Variants in PDLIM1 observed in about 807,000 individuals in gnomAD.
PDLIM1 encodes PDZ and LIM domain 1.
Under a neutral mutation model 35.2 loss-of-function variants are expected in PDLIM1, and 25 were observed. That is an observed-to-expected ratio of 0.71 (90% CI 0.52 to 0.99). The LOEUF (loss-of-function observed/expected upper bound fraction) is 0.99, where lower values mean the gene tolerates loss of function less well. PDLIM1 is among the 50% of genes least tolerant of loss of function. PDLIM1 has a pLI of 0.00. For missense variants in PDLIM1, 363 were observed against 415.3 expected (o/e 0.87, Z 1.09); for synonymous variants, 152 against 154.0 (o/e 0.99, Z 0.10).
intron 5 of PDLIM1, among the ~76,000 whole-genome samples, chr10:95,244,988 A>C (rs1468800932): frequency 6.6e-6 from 1 of 152,220 alleles, no homozygotes; most frequent in Non-Finnish European, 1.5e-5. Context: ...AATGGAATTT[A>C]TCCTGTTACT....
chr10:95,240,800 G>A (rs183698213), intron 5 of PDLIM1, among the ~76,000 whole-genome samples: 13 of 152,272 alleles, frequency 8.5e-5, no homozygotes, highest in African/African-American at 2.9e-4. Flanking sequence ...AGTCAGCCTG[G>A]TGCGTGTAAA....
At chr10:95,246,064 A>C (rs2035216379) in intron 5 of PDLIM1, among the ~76,000 whole-genome samples, 1 of 152,166 alleles carries the variant, frequency 6.6e-6, no homozygotes, top group Non-Finnish European at 1.5e-5. Context: ...AGATGGGTCC[A>C]TGAGAGAGAT....
At chr10:95,261,605 G>C (rs1445800513) in intron 4 of PDLIM1, among the ~76,000 whole-genome samples, 1 of 152,202 alleles carries the variant, frequency 6.6e-6, no homozygotes, top group Non-Finnish European at 1.5e-5. Context: ...AACATTGGTG[G>C]AGACTGCCTT....
At chr10:95,259,348 T>G (rs374405648) in intron 4 of PDLIM1, among the ~76,000 whole-genome samples, 181 of 152,248 alleles carry the variant, frequency 1.2e-3, no homozygotes, top group African/African-American at 4.2e-3. Context: ...ATACTTGTTT[T>G]TTATGTAGGT....
intron 1 of PDLIM1, among the ~76,000 whole-genome samples, chr10:95,274,646 T>C (rs2035496463): frequency 1.3e-5 from 2 of 152,148 alleles, no homozygotes; most frequent in Admixed American, 6.6e-5. Flanking sequence ...CTGGTCACTT[T>C]ATGTTTGCAA....
At chr10:95,264,270 G>GT (rs1464178659) in intron 3 of PDLIM1, among the ~76,000 whole-genome samples, 1 of 152,124 alleles carries the variant, frequency 6.6e-6, no homozygotes, top group Non-Finnish European at 1.5e-5. Context: ...ACCTGTGCGA[G>GT]TTCACACCCC....
chr10:95,258,742 T>C (rs184433455), intron 4 of PDLIM1, among the ~76,000 whole-genome samples: 21 of 152,212 alleles, frequency 1.4e-4, no homozygotes, highest in African/African-American at 4.6e-4. Context: ...GTTCTAGAGA[T>C]GTGTTGCACA....
intron 3 of PDLIM1, among the ~76,000 whole-genome samples, chr10:95,267,025 T>A (rs965763083): frequency 5.3e-5 from 8 of 152,238 alleles, no homozygotes; most frequent in Admixed American, 5.2e-4. Flanking sequence ...ACTCTGCTCT[T>A]ACTCATTTAT....
intron 4 of PDLIM1, among the ~76,000 whole-genome samples, chr10:95,257,177 T>C (rs1467706136): frequency 6.6e-6 from 1 of 151,884 alleles, no homozygotes; most frequent in Non-Finnish European, 1.5e-5. Context: ...GAGAATCACT[T>C]GAGCCCAGAA....
At chr10:95,248,904 T>C (rs1416038965) in intron 4 of PDLIM1, among the ~76,000 whole-genome samples, 1 of 152,240 alleles carries the variant, frequency 6.6e-6, no homozygotes, top group Non-Finnish European at 1.5e-5. Flanking sequence ...TCTGCTCAAG[T>C]GCACTCCTCA....
Position 95,257,002 on chromosome 10 carries a change from G to GA in PDLIM1, c.533+6861dup, listed in dbSNP as rs371813071. ...AAAAAAAAAAAAAGAAAGAAAGAAA[G>GA]AAAGAAAGAAAGAAAGAAAGAAAGA... On this transcript the variant is annotated intron_variant, in intron 4 of 6. Transcript: ENST00000329399. 5.4e-3 allele frequency among the ~76,000 whole-genome samples: 478 copies of GA among 88,550 alleles called. 8 individuals are homozygous for GA. Among genetic ancestry groups the GA allele is most frequent in the African/African-American group, 0.012 (404 of 32,528 alleles). 58.1% of individuals were successfully genotyped at this position (88,550 alleles called of 152,430 possible). A position where few individuals can be genotyped will look rare whatever the true frequency, so the allele number is the denominator to read the frequency against.
intron 2 of PDLIM1, among the ~76,000 whole-genome samples, chr10:95,269,267 C>G (rs184182286): frequency 1.3e-5 from 2 of 152,158 alleles, no homozygotes; most frequent in Admixed American, 6.5e-5. Flanking sequence ...GCCTGTTTGA[C>G]CCAAATGAAA....
chr10:95,287,758 G>A (rs2133445064), intron 1 of PDLIM1, among the ~76,000 whole-genome samples: 1 of 152,166 alleles, frequency 6.6e-6, no homozygotes, highest in Middle Eastern at 3.4e-3. Context: ...AGTGGCAAAT[G>A]TGTGGCTGGA....
chr10:95,259,744 A>T (rs1418975961), intron 4 of PDLIM1, among the ~76,000 whole-genome samples: 1 of 152,222 alleles, frequency 6.6e-6, no homozygotes, highest in Non-Finnish European at 1.5e-5. Flanking sequence ...TAATATTTGA[A>T]TAGAAAATGA....
intron 5 of PDLIM1, among the ~76,000 whole-genome samples, chr10:95,240,646 C>T (rs1345358352): frequency 6.6e-6 from 1 of 152,182 alleles, no homozygotes; most frequent in Non-Finnish European, 1.5e-5. Context: ...TACCCCTGAA[C>T]TTAAATGTTG....
chr10:95,239,276 G>C (rs1045027455), intron 5 of PDLIM1, among the ~76,000 whole-genome samples: 5 of 152,256 alleles, frequency 3.3e-5, no homozygotes, highest in African/African-American at 1.2e-4. Context: ...TACCATTCAG[G>C]ACATGGGCAT....
intron 2 of PDLIM1, among the ~76,000 whole-genome samples, chr10:95,271,374 T>C (rs951495304): frequency 6.8e-6 from 1 of 148,124 alleles, no homozygotes; most frequent in African/African-American, 2.5e-5. Flanking sequence ...GAGGCAGAGG[T>C]TGCAGTGAGC....
At chr10:95,282,527 T>C (rs1378729520) in intron 1 of PDLIM1, among the ~76,000 whole-genome samples, 3 of 152,194 alleles carry the variant, frequency 2.0e-5, no homozygotes, top group Non-Finnish European at 4.4e-5. Flanking sequence ...TTATTAGTGC[T>C]AAGGGGTGAC....
At chr10:95,245,971 A>G (rs904652135) in intron 5 of PDLIM1, among the ~76,000 whole-genome samples, 6 of 152,172 alleles carry the variant, frequency 3.9e-5, no homozygotes, top group Non-Finnish European at 8.8e-5. Context: ...CAACATGCCA[A>G]TCCCTTTGCA....
Sources: allele counts gnomAD v4.1 joint callset (sites outside exome capture counted in the v4.1 genomes callset), GRCh38; gene constraint gnomAD v4.1.1; transcripts MANE v1.5; gene names NCBI Gene and HGNC (gene_info 2026-07-23, HGNC 2026-07-21).